Variants in FFAR4 observed in about 807,000 individuals in gnomAD.
The protein encoded by FFAR4 is G-protein coupled receptor 120.
FFAR4 carries 19 observed loss-of-function variants against 27.0 expected under a neutral mutation model. The observed-to-expected ratio is 0.70, with a 90% CI of 0.49 to 1.03. The LOEUF is 1.03. Ranked by LOEUF, FFAR4 falls within the 50% of genes least tolerant of loss-of-function variation. The pLI is 0.00. For synonymous variants in FFAR4, 254 were observed against 215.6 expected, an observed-to-expected ratio of 1.18 and a Z score of -1.56; for missense variants, 476 against 479.0, an observed-to-expected ratio of 0.99 and a Z score of 0.06.
Position 93,574,616 on chromosome 10 carries a change from T to C in FFAR4, c.568-1475T>C, listed in dbSNP as rs143108899. ...AAAGAAACAGGTTTCTGGCCGGGCA[T>C]GGTGGCTCACGCCTGTAATCCCATC... On this transcript the variant is annotated intron_variant, in intron 1 of 2. Transcript: ENST00000371481. Among the ~76,000 whole-genome samples, 32 of 152,158 alleles carry C rather than the reference T, an allele frequency of 2.1e-4. No homozygotes were observed. In the East Asian group the frequency reaches 2.7e-3, roughly 13 times the overall value.
At chr10:93,585,703 C>T (rs1340218038) in intron 2 of FFAR4, among the ~76,000 whole-genome samples, 2 of 152,180 alleles carry the variant, frequency 1.3e-5, no homozygotes, top group African/African-American at 4.8e-5. Flanking sequence ...TTGGTCATTG[C>T]CTCTGATTTC....
At chr10:93,577,444 G>T (rs539096395) in intron 2 of FFAR4, among the ~76,000 whole-genome samples, 1 of 152,160 alleles carries the variant, frequency 6.6e-6, no homozygotes, top group African/African-American at 2.4e-5. Context: ...CTAATCCCTG[G>T]GTCCTGTGGG....
At chr10:93,585,327 C>T (rs766365410) in intron 2 of FFAR4, among the ~76,000 whole-genome samples, 38 of 152,272 alleles carry the variant, frequency 2.5e-4, no homozygotes, top group Non-Finnish European at 4.0e-4. Context: ...TGCAAGGATA[C>T]GCATGAGGAG....
chr10:93,582,809 C>T (rs1350623368), intron 2 of FFAR4, among the ~76,000 whole-genome samples: 1 of 152,200 alleles, frequency 6.6e-6, no homozygotes, highest in Non-Finnish European at 1.5e-5. Flanking sequence ...CTCGGTTCCA[C>T]ATGGCTGGGG....
intron 2 of FFAR4, among the ~76,000 whole-genome samples, chr10:93,578,482 G>T (rs1362717522): frequency 6.7e-6 from 1 of 150,348 alleles, no homozygotes; most frequent in Non-Finnish European, 1.5e-5. Context: ...ACAGAGACTT[G>T]ACAGTGTTAT....
At chr10:93,580,392 G>A (rs1379066526) in intron 2 of FFAR4, among the ~76,000 whole-genome samples, 2 of 152,236 alleles carry the variant, frequency 1.3e-5, no homozygotes, top group South Asian at 2.1e-4. Context: ...GGCTTGAGAA[G>A]TGTCTCTTTT....
rs2134558996 is a variant in FFAR4 at position 93,587,210 on chromosome 10, T to C, written c.697-10T>C. 3.1e-6 allele frequency: 5 copies of C among 1,606,086 alleles called. No homozygotes were observed. The highest frequency in any genetic ancestry group is 3.4e-6 in the Non-Finnish European group (4 of 1,175,520). On this transcript the variant is annotated splice_polypyrimidine_tract_variant and intron_variant, in intron 2 of 2. Transcript: ENST00000371481. ...ACCTGTGGCTCCAGTCCTGTTTTGG[T>C]TTTCCACAGATCACAAAGGCATCAA...
Position 93,571,683 on chromosome 10 carries a change from A to G in FFAR4, c.567+4396A>G, listed in dbSNP as rs553748762. 5.3e-5 allele frequency among the ~76,000 whole-genome samples: 8 copies of G among 152,312 alleles called. No homozygotes were observed. In the South Asian group the frequency reaches 1.7e-3, roughly 32 times the overall value. ...ACACAGTTTGCTTGCTTTTGTTATGATTAGAGAATACTTTTGAAATATAAG... is the reference window on the plus strand; with the variant it reads ...ACACAGTTTGCTTGCTTTTGTTATGGTTAGAGAATACTTTTGAAATATAAG... On this transcript the variant is annotated intron_variant, in intron 1 of 2. Transcript: ENST00000371481.
intron 2 of FFAR4, among the ~76,000 whole-genome samples, chr10:93,579,993 C>T (rs2058188880): frequency 6.6e-6 from 1 of 152,126 alleles, no homozygotes. Flanking sequence ...AATTACTTTC[C>T]ACGTTATTAG....
intron 2 of FFAR4, among the ~76,000 whole-genome samples, chr10:93,577,141 C>T (rs1049811946): frequency 6.6e-6 from 1 of 152,180 alleles, no homozygotes; most frequent in East Asian, 1.9e-4. Context: ...TAAGGTAGCC[C>T]ATTTGTGAGT....
chr10:93,579,304 T>C, intron 2 of FFAR4: 1 of 1,042,928 alleles, frequency 9.6e-7, no homozygotes. Flanking sequence ...CTGGCCCCGC[T>C]GCCGTTCTCA....
chr10:93,584,122 C>A (rs772454840), intron 2 of FFAR4, among the ~76,000 whole-genome samples: 1 of 152,228 alleles, frequency 6.6e-6, no homozygotes, highest in Non-Finnish European at 1.5e-5. Context: ...AAGGCAGCTT[C>A]CTTAGATTAA....
chr10:93,568,708 G>C (rs1226935015), intron 1 of FFAR4, among the ~76,000 whole-genome samples: 4 of 152,172 alleles, frequency 2.6e-5, no homozygotes, highest in Admixed American at 2.6e-4. Context: ...TTGGGGGTAG[G>C]ATGGATGGAG....
At chr10:93,581,442 GAGACTCAACC>G (rs1428530366) in intron 2 of FFAR4, among the ~76,000 whole-genome samples, 1 of 152,192 alleles carries the variant, frequency 6.6e-6, no homozygotes, top group African/African-American at 2.4e-5. Flanking sequence ...GCTCCCAGAG[GAGACTCAACC>G]TTCAGGGTTG....
In FFAR4 at chr10:93,587,843, T is replaced by C; in HGVS notation, c.*234T>C. 1 of 427,808 alleles carries C rather than the reference T, an allele frequency of 2.3e-6. No individual in the cohort carries two copies. The highest frequency in any genetic ancestry group is 4.2e-6 in the Non-Finnish European group (1 of 236,228). 26.5% of individuals were successfully genotyped at this position (427,808 alleles called of 1,614,324 possible). On this transcript the variant is annotated 3_prime_UTR_variant, in exon 3 of 3. Transcript: ENST00000371481. ...GTTCATGCCTGTAATCCCAGCAGTT[T>C]GGGAGGCTGAGGTGGGTGGATCACC...
chr10:93,586,363 G>A (rs1423076904), intron 2 of FFAR4, among the ~76,000 whole-genome samples: 1 of 152,086 alleles, frequency 6.6e-6, no homozygotes, highest in Non-Finnish European at 1.5e-5. Flanking sequence ...TAAGTTTCCT[G>A]AGGCCTCCCC....
intron 2 of FFAR4, chr10:93,579,069 C>T: frequency 8.5e-7 from 1 of 1,175,446 alleles, no homozygotes; most frequent in East Asian, 2.3e-5. Context: ...GGGCAGCTGT[C>T]CTTTTAGCCA....
chr10:93,572,439 T>G (rs547346972), intron 1 of FFAR4, among the ~76,000 whole-genome samples: 3 of 151,420 alleles, frequency 2.0e-5, no homozygotes, highest in Non-Finnish European at 4.4e-5. Context: ...TGAGGTTCAG[T>G]GGGGGCAAAA....
Position 93,576,214 on chromosome 10 carries a change from T to C in FFAR4, c.691T>C (p.Leu231=). ...LVIVISYSKI[L]QITKASRKRL... ...CATTGTGATCAGTTACTCCAAAATT[T>C]TACAGGTATGTTTTCTGCAAGTGCT... Residue 231 remains leucine (L), a synonymous_variant, in exon 2 of 3, where the codon TTA becomes CTA. Transcript: ENST00000371481. 1 of 1,614,072 alleles carries C rather than the reference T, an allele frequency of 6.2e-7. No homozygotes were observed. Among genetic ancestry groups the C allele is most frequent in the Non-Finnish European group, 8.5e-7 (1 of 1,179,964 alleles).
Sources: allele counts gnomAD v4.1 joint callset (sites outside exome capture counted in the v4.1 genomes callset), GRCh38; gene constraint gnomAD v4.1.1; transcripts MANE v1.5; gene names NCBI Gene and HGNC (gene_info 2026-07-23, HGNC 2026-07-21).